CALD1: variants seen among roughly 807,000 people sequenced by gnomAD.
CALD1 encodes the protein caldesmon 1, also known as caldesmon.
Under a neutral mutation model 99.9 loss-of-function variants are expected in CALD1, and 33 were observed. The observed-to-expected ratio is 0.33, with a 90% CI of 0.25 to 0.44. The LOEUF (loss-of-function observed/expected upper bound fraction) is 0.44. Among genes scored for constraint, CALD1 ranks in the 20% least tolerant of loss-of-function variants. The pLI is 1.00. For missense variants in CALD1, 861 were observed against 962.1 expected (o/e 0.89, Z 1.39); for synonymous variants, 310 against 325.0 (o/e 0.95, Z 0.50).
chr7:134,792,751 T>C (rs952944867), intron 1 of CALD1, among the ~76,000 whole-genome samples: 4 of 152,180 alleles, frequency 2.6e-5, no homozygotes, highest in Non-Finnish European at 5.9e-5. Context: ...TCGGGGGAGA[T>C]ACAATTCAAC....
chr7:134,793,525 T>C (rs1203756352), intron 1 of CALD1, among the ~76,000 whole-genome samples: 1 of 152,204 alleles, frequency 6.6e-6, no homozygotes, highest in East Asian at 1.9e-4. Flanking sequence ...TTTTTGTCCC[T>C]TTTTTGTCCC....
chr7:134,946,726 G>A (rs1188884687), intron 7 of CALD1, among the ~76,000 whole-genome samples: 1 of 151,042 alleles, frequency 6.6e-6, no homozygotes, highest in Non-Finnish European at 1.5e-5. Context: ...TGTTGCCCAG[G>A]CTGGAGTGCA....
chr7:134,747,827 G>A (rs1482169731), intron 1 of CALD1, among the ~76,000 whole-genome samples: 1 of 152,232 alleles, frequency 6.6e-6, no homozygotes, highest in Admixed American at 6.5e-5. Context: ...GGCCACCATA[G>A]AGAGTCCCCA....
chr7:134,870,965 G>C (rs1276366327), intron 3 of CALD1, among the ~76,000 whole-genome samples: 1 of 152,142 alleles, frequency 6.6e-6, no homozygotes, highest in Admixed American at 6.5e-5. Flanking sequence ...TGCAGGGTGT[G>C]TGCAGGAAAC....
At chr7:134,915,031 CA>C (rs1563092278) in intron 3 of CALD1, among the ~76,000 whole-genome samples, 1 of 152,200 alleles carries the variant, frequency 6.6e-6, no homozygotes, top group Non-Finnish European at 1.5e-5. Flanking sequence ...GTGCTAATTC[CA>C]GCCACCTGTG....
intron 2 of CALD1, among the ~76,000 whole-genome samples, chr7:134,862,434 G>T (rs546147655): frequency 2.6e-4 from 40 of 152,282 alleles, no homozygotes; most frequent in African/African-American, 9.1e-4. Flanking sequence ...AAACTTAAAT[G>T]TGTGTTGTTA....
the CALD1 span, among the ~76,000 whole-genome samples, chr7:134,715,911 G>T: frequency 1.3e-5 from 2 of 152,106 alleles, no homozygotes; most frequent in African/African-American, 2.4e-5. Flanking sequence ...GTAAAAATTT[G>T]CAAAATAGTT....
intron 8 of CALD1, 65 bp downstream of exon 8, chr7:134,947,834 T>C (rs1807023989): frequency 1.0e-5 from 16 of 1,550,742 alleles, no homozygotes; most frequent in Non-Finnish European, 1.3e-5. Context: ...GTGCGGCTGT[T>C]CTTTTGAGCA....
At chr7:134,788,745 T>C (rs959181417) in intron 1 of CALD1, among the ~76,000 whole-genome samples, 2 of 152,172 alleles carry the variant, frequency 1.3e-5, no homozygotes, top group Admixed American at 6.5e-5. Context: ...CTGGTAGTGG[T>C]AGCTCGTGCC....
chr7:134,725,583 T>C, the CALD1 span, among the ~76,000 whole-genome samples: 1 of 152,332 alleles, frequency 6.6e-6, no homozygotes, highest in African/African-American at 2.4e-5. Flanking sequence ...TTGTCCCACC[T>C]AACAAAGCTG....
At chr7:134,853,705 T>C (rs58257365) in intron 2 of CALD1, among the ~76,000 whole-genome samples, 32,599 of 152,120 alleles carry the variant, frequency 0.21, 3,783 homozygotes, top group African/African-American at 0.27. Context: ...TTATTGAATT[T>C]TTTATTTATT....
intron 1 of CALD1, among the ~76,000 whole-genome samples, chr7:134,770,180 C>T (rs563260014): frequency 5.9e-5 from 9 of 152,254 alleles, no homozygotes; most frequent in African/African-American, 1.9e-4. Context: ...TTCTTGCTCC[C>T]GTCACATGAG....
chr7:134,868,221 T>C (rs1800893911), intron 3 of CALD1: 1 of 156,910 alleles, frequency 6.4e-6, no homozygotes, highest in Non-Finnish European at 1.4e-5. Context: ...CAAAAAGCCC[T>C]GGATGAATCT....
At position 134,933,530 on chromosome 7, in the gene CALD1, A is replaced by C. The variant is rs200503553; in HGVS notation, c.761A>C (p.His254Pro). 18 of 1,613,970 alleles carry C rather than the reference A, an allele frequency of 1.1e-5. No individual in the cohort carries two copies. Among genetic ancestry groups the C allele is most frequent in the Non-Finnish European group, 1.5e-5 (18 of 1,179,932 alleles). Residue 254 changes from histidine (H) to proline (P), a missense_variant, in exon 5 of 15, where the codon CAT (histidine) becomes CCT (proline). By Grantham distance (77) the His-to-Pro change is moderately conservative (BLOSUM62 -2). Transcript: ENST00000361675. ...CAAGGTTCAGATGAGATTTCCCATC[A>C]TGAAAAGATGGAAGAGGAAGACAAG... ...REQGSDEISHHEKMEEEDKER... is the reference protein window; with the variant it reads ...REQGSDEISHPEKMEEEDKER...
At chr7:134,951,879 T>A (rs1807366335) in intron 9 of CALD1, among the ~76,000 whole-genome samples, 1 of 152,226 alleles carries the variant, frequency 6.6e-6, no homozygotes, top group Admixed American at 6.5e-5. Context: ...TTGAAGATAC[T>A]TAATAAAAAT....
chr7:134,772,420 C>T (rs1231843040), intron 1 of CALD1, among the ~76,000 whole-genome samples: 1 of 152,076 alleles, frequency 6.6e-6, no homozygotes, highest in Admixed American at 6.6e-5. Flanking sequence ...GCATTTATTT[C>T]CACGAGCCTA....
At chr7:134,762,521 G>C (rs1796788007) in intron 1 of CALD1, among the ~76,000 whole-genome samples, 1 of 152,168 alleles carries the variant, frequency 6.6e-6, no homozygotes, top group African/African-American at 2.4e-5. Flanking sequence ...ATAAAGAAAA[G>C]AGGTTTAATT....
intron 2 of CALD1, among the ~76,000 whole-genome samples, chr7:134,865,483 G>A (rs3778854): frequency 0.77 from 116,952 of 152,064 alleles, 45,492 homozygotes; most frequent in East Asian, 0.97. Context: ...AATGGCACAC[G>A]CTCTCTCTCT....
intron 13 of CALD1, chr7:134,961,848 C>G (rs768202861): frequency 3.3e-5 from 5 of 152,124 alleles, no homozygotes; most frequent in Non-Finnish European, 7.4e-5. Context: ...TTCCAAGCAT[C>G]TCTGGTAACA....
Sources: gnomAD v4.1 joint callset for allele counts (sites outside exome capture counted in the v4.1 genomes callset) on GRCh38, gnomAD v4.1.1 for gene constraint, MANE v1.5 for transcripts, NCBI Gene and HGNC (gene_info 2026-07-23, HGNC 2026-07-21) for gene names.